Variants in PSMA1 observed in about 807,000 individuals in gnomAD.
PSMA1 encodes the protein proteasome 20S subunit alpha 1, also known as proteasome subunit alpha type-1.
In PSMA1, 3 loss-of-function variants were observed where a neutral mutation model predicts 38.4. The observed-to-expected ratio is 0.08, with a 90% CI of 0.04 to 0.20. PSMA1 has a LOEUF of 0.20. Ranked by LOEUF, PSMA1 falls within the 10% of genes least tolerant of loss-of-function variation. The probability of loss-of-function intolerance (pLI) is 1.00; values close to 1 mark genes in which losing one functional copy is unlikely to be tolerated. For missense variants in PSMA1, 227 were observed against 325.3 expected (o/e 0.70, Z 2.32); for synonymous variants, 101 against 107.1 (o/e 0.94, Z 0.35).
At chr11:14,638,796 C>T (rs1853160925) in intron 1 of PSMA1, among the ~76,000 whole-genome samples, 1 of 150,352 alleles carries the variant, frequency 6.7e-6, no homozygotes, top group African/African-American at 2.5e-5. Flanking sequence ...CAATTAACCA[C>T]AAGTTCAGTG....
chr11:14,513,457 A>G, intron 7 of PSMA1, 113 bp downstream of exon 7: 4 of 1,161,742 alleles, frequency 3.4e-6, no homozygotes, highest in Non-Finnish European at 4.4e-6. Context: ...TTTTTTTAAA[A>G]AAATTCTTTC....
intron 2 of PSMA1, among the ~76,000 whole-genome samples, chr11:14,559,820 T>A (rs1015506061): frequency 1.3e-5 from 2 of 152,178 alleles, no homozygotes. Flanking sequence ...TCCCTAGAAA[T>A]AGACTCTGAG....
chr11:14,517,227 C>T (rs890255427), intron 4 of PSMA1, among the ~76,000 whole-genome samples: 12 of 152,260 alleles, frequency 7.9e-5, no homozygotes, highest in Non-Finnish European at 1.3e-4. Flanking sequence ...CTTATGTATA[C>T]CCTGCAGTAT....
intron 2 of PSMA1, among the ~76,000 whole-genome samples, chr11:14,607,108 G>C (rs1852653148): frequency 6.6e-6 from 1 of 152,210 alleles, no homozygotes; most frequent in Non-Finnish European, 1.5e-5. Context: ...TTATCAATAA[G>C]GAAAGTCACC....
At position 14,597,437 on chromosome 11, in the gene PSMA1, A is replaced by T. The variant is rs1162587585; in HGVS notation, c.21+13529T>A. 2.6e-5 allele frequency among the ~76,000 whole-genome samples: 4 copies of T among 152,186 alleles called. No individual in the cohort carries two copies. The East Asian group carries it at 7.7e-4, about 29-fold the overall frequency. ...CAATTTCAGAGCCTGTTATTGGTCT[A>T]TTCAGAGATTCAACTTCTTCCTGGT... On this transcript the variant is annotated intron_variant, in intron 2 of 10. Transcript: ENST00000418988.
At chr11:14,625,936 GT>G (rs1590015185) in intron 1 of PSMA1, among the ~76,000 whole-genome samples, 1 of 152,208 alleles carries the variant, frequency 6.6e-6, no homozygotes, top group African/African-American at 2.4e-5. Context: ...AAATGGTAGG[GT>G]ATGAAGAAGA....
At chr11:14,614,450 T>A (rs1402783985) in intron 1 of PSMA1, among the ~76,000 whole-genome samples, 1 of 152,098 alleles carries the variant, frequency 6.6e-6, no homozygotes, top group Non-Finnish European at 1.5e-5. Context: ...TATATCTGGC[T>A]CCTAGATCTC....
rs752806811 is a variant in PSMA1, at chr11:14,517,997, A to C, written c.49-16T>G. ...GAATCCTGCCCTAAAGAAAAAAAAAACAAAAAACACACATCTTAGAAGATC... is the reference window on the plus strand; with the variant it reads ...GAATCCTGCCCTAAAGAAAAAAAAACCAAAAAACACACATCTTAGAAGATC... On this transcript the variant is annotated splice_polypyrimidine_tract_variant and intron_variant, in intron 2 of 9. Coordinates refer to ENST00000396394, the MANE Select transcript of PSMA1 (RefSeq NM_002786.4). The C allele has an allele frequency of 6.6e-7, 1 of 1,505,184 alleles. No individual in the cohort carries two copies. The highest frequency in any genetic ancestry group is 9.1e-7 in the Non-Finnish European group (1 of 1,102,816). 93.2% of individuals were successfully genotyped at this position (1,505,184 alleles called of 1,614,324 possible).
intron 2 of PSMA1, among the ~76,000 whole-genome samples, chr11:14,588,043 G>A (rs1852369511): frequency 6.6e-6 from 1 of 152,162 alleles, no homozygotes; most frequent in Non-Finnish European, 1.5e-5. Flanking sequence ...CCTTTAATGT[G>A]CTTACAATCT....
At chr11:14,595,374 G>A (rs1003200268) in intron 2 of PSMA1, among the ~76,000 whole-genome samples, 2 of 152,076 alleles carry the variant, frequency 1.3e-5, no homozygotes, top group African/African-American at 2.4e-5. Flanking sequence ...TCCCACCAAC[G>A]GTGTAAAAGC....
intron 1 of PSMA1, among the ~76,000 whole-genome samples, chr11:14,629,449 CT>C (rs1224780557): frequency 6.6e-6 from 1 of 151,900 alleles, no homozygotes; most frequent in African/African-American, 2.4e-5. Flanking sequence ...GCTTGTTTTT[CT>C]CAGGTTTGTC....
chr11:14,558,836 G>A (rs759779223), intron 2 of PSMA1, among the ~76,000 whole-genome samples: 14 of 152,180 alleles, frequency 9.2e-5, no homozygotes, highest in Non-Finnish European at 1.6e-4. Context: ...TACTGGTTAG[G>A]AACATTCCAC....
At chr11:14,512,441 C>G (rs1353500436) in intron 7 of PSMA1, among the ~76,000 whole-genome samples, 1 of 151,984 alleles carries the variant, frequency 6.6e-6, no homozygotes, top group Non-Finnish European at 1.5e-5. Flanking sequence ...GGATCAGATG[C>G]TTTGTATCAT....
intron 8 of PSMA1, 34 bp downstream of exon 8, chr11:14,510,838 G>C (rs200964111): frequency 8.2e-6 from 12 of 1,468,864 alleles, no homozygotes; most frequent in Non-Finnish European, 1.1e-5. Context: ...AAACTGTAAC[G>C]TTAATATCTA....
chr11:14,569,999 C>T (rs1293597967), intron 2 of PSMA1, among the ~76,000 whole-genome samples: 1 of 152,218 alleles, frequency 6.6e-6, no homozygotes, highest in Non-Finnish European at 1.5e-5. Context: ...AGGTAGCCCT[C>T]TGAGACAAAG....
intron 2 of PSMA1, among the ~76,000 whole-genome samples, chr11:14,598,214 T>C (rs1475101408): frequency 3.3e-5 from 5 of 152,226 alleles, no homozygotes; most frequent in African/African-American, 9.6e-5. Flanking sequence ...CTGAGAAGAA[T>C]GTATATTCTG....
intron 1 of PSMA1, among the ~76,000 whole-genome samples, chr11:14,620,586 T>C (rs1852832663): frequency 2.6e-5 from 4 of 152,228 alleles, no homozygotes; most frequent in Admixed American, 6.5e-5. Flanking sequence ...GATTCTATTC[T>C]GGAAGGCTCT....
intron 1 of PSMA1, among the ~76,000 whole-genome samples, chr11:14,615,082 T>C (rs983234184): frequency 3.9e-5 from 6 of 152,240 alleles, no homozygotes; most frequent in African/African-American, 1.4e-4. Flanking sequence ...TCTGAATATA[T>C]AGCCCATGCA....
At chr11:14,587,165 T>G (rs919897563) in intron 2 of PSMA1, among the ~76,000 whole-genome samples, 1 of 152,216 alleles carries the variant, frequency 6.6e-6, no homozygotes, top group Non-Finnish European at 1.5e-5. Context: ...CTTTCCCTGC[T>G]CTTCTCTGTT....
Sources: gnomAD v4.1 joint callset for allele counts (sites outside exome capture counted in the v4.1 genomes callset) on GRCh38, gnomAD v4.1.1 for gene constraint, MANE v1.5 for transcripts, NCBI Gene and HGNC (gene_info 2026-07-23, HGNC 2026-07-21) for gene names.